ANGPT1: variants seen among roughly 807,000 people sequenced by gnomAD.
ANGPT1 encodes angiopoietin-1.
Under a neutral mutation model 62.2 loss-of-function variants are expected in ANGPT1, and 17 were observed. The observed-to-expected ratio is 0.27, with a 90% confidence interval of 0.19 to 0.41. The LOEUF is 0.41. ANGPT1 is among the 10% of genes least tolerant of loss of function. ANGPT1 has a pLI of 1.00. For missense variants in ANGPT1, 478 were observed against 594.9 expected (o/e 0.80, Z 2.04); for synonymous variants, 199 against 198.9 (o/e 1.00, Z 0.00).
chr8:107,411,642 T>A (rs1810583412), intron 1 of ANGPT1, among the ~76,000 whole-genome samples: 1 of 152,220 alleles, frequency 6.6e-6, no homozygotes, highest in Admixed American at 6.6e-5. Context: ...TGGATTCCTA[T>A]TATTTAATAA....
chr8:107,405,110 GA>G (rs1326936083), intron 1 of ANGPT1, among the ~76,000 whole-genome samples: 2 of 151,416 alleles, frequency 1.3e-5, no homozygotes, highest in Non-Finnish European at 3.0e-5. Flanking sequence ...TACATATCAA[GA>G]ATAAAGAAAA....
chr8:107,424,678 TA>T (rs1215149449), intron 1 of ANGPT1, among the ~76,000 whole-genome samples: 2 of 152,198 alleles, frequency 1.3e-5, no homozygotes, highest in Admixed American at 1.3e-4. Flanking sequence ...AGCCACCCAG[TA>T]AAATAATATT....
intron 1 of ANGPT1, among the ~76,000 whole-genome samples, chr8:107,409,859 T>C (rs1817226912): frequency 6.6e-6 from 1 of 152,062 alleles, no homozygotes; most frequent in Non-Finnish European, 1.5e-5. Flanking sequence ...TCATGAAAAG[T>C]AGGAACATAA....
At chr8:107,439,364 A>G (rs1305173983) in intron 1 of ANGPT1, among the ~76,000 whole-genome samples, 1 of 152,226 alleles carries the variant, frequency 6.6e-6, no homozygotes, top group East Asian at 1.9e-4. Flanking sequence ...GAAAGCCAAA[A>G]TGAGAAAATT....
At chr8:107,420,782 T>TA (rs1323734308) in intron 1 of ANGPT1, among the ~76,000 whole-genome samples, 7 of 152,168 alleles carry the variant, frequency 4.6e-5, no homozygotes, top group Non-Finnish European at 2.9e-5. Context: ...AAGAACTTTG[T>TA]AAGATTAAAA....
intron 1 of ANGPT1, among the ~76,000 whole-genome samples, chr8:107,418,916 C>T (rs1192544772): frequency 6.6e-6 from 1 of 152,136 alleles, no homozygotes; most frequent in South Asian, 2.1e-4. Flanking sequence ...AAAATCCCAG[C>T]CTCTGGAATT....
chr8:107,312,388 G>C lies in ANGPT1; in HGVS notation c.809-9021C>G, dbSNP rs562531271. Among the ~76,000 whole-genome samples, 10 of 152,204 alleles carry C rather than the reference G, an allele frequency of 6.6e-5. No individual in the cohort carries two copies. In the South Asian group the frequency reaches 2.1e-3, roughly 32 times the overall value. On this transcript the variant is annotated intron_variant, in intron 4 of 8. Coordinates refer to ENST00000517746, the MANE Select transcript of ANGPT1 (RefSeq NM_001146.5). ...GGAAAGCTTAAGGGGCATCTTTTGT[G>C]CTCTGCTATGAGCAGACAAATATAA...
At chr8:107,262,549 T>C (rs1813517673) in intron 8 of ANGPT1, among the ~76,000 whole-genome samples, 1 of 152,218 alleles carries the variant, frequency 6.6e-6, no homozygotes, top group South Asian at 2.1e-4. Context: ...AGTAAGATAG[T>C]ACAACATGTG....
chr8:107,486,261 A>G (rs1037182783), intron 1 of ANGPT1, among the ~76,000 whole-genome samples: 2 of 152,196 alleles, frequency 1.3e-5, no homozygotes, highest in Admixed American at 6.6e-5. Flanking sequence ...AGCTAATCTC[A>G]TATTTGGTTA....
At chr8:107,361,748 G>A (rs1489432961) in intron 1 of ANGPT1, among the ~76,000 whole-genome samples, 54 of 151,700 alleles carry the variant, frequency 3.6e-4, no homozygotes, top group Admixed American at 3.6e-3. Context: ...ATAAGAACAC[G>A]GAATGGTAGT....
Position 107,293,956 on chromosome 8 carries a change from C to G in ANGPT1, c.1018G>C (p.Gly340Arg). The G allele has an allele frequency of 6.2e-7, 1 of 1,613,138 alleles. No individual in the cohort carries two copies. Among genetic ancestry groups the G allele is most frequent in the East Asian group, 2.2e-5 (1 of 44,770 alleles). ...CTTACCATTTTATATTCCTTCCAGC[C>G]TCTTTGGAAATCTAGACTTCCATCT... is the stretch of plus-strand genomic sequence containing the variant. The part of the protein sequence containing the change: ...REDGSLDFQR[G>R]WKEYKMGFGN... Residue 340 changes from glycine (G) to arginine (R), a missense_variant, in exon 6 of 9, where the codon GGC becomes CGC. By Grantham distance (125) the Gly-to-Arg change is moderately radical. Around this residue, in one of 4 missense-constraint regions of ANGPT1, gnomAD observed 81 missense variants for 117.1 expected, o/e 0.69. Coordinates refer to ENST00000517746, the MANE Select transcript of ANGPT1 (RefSeq NM_001146.5).
intron 3 of ANGPT1, among the ~76,000 whole-genome samples, chr8:107,328,043 A>G (rs1815330842): frequency 6.6e-6 from 1 of 152,120 alleles, no homozygotes; most frequent in African/African-American, 2.4e-5. Flanking sequence ...ATAGCAGCCA[A>G]TGAATTCACA....
intron 1 of ANGPT1, chr8:107,494,482 C>T (rs1418709075): frequency 6.6e-6 from 1 of 152,146 alleles, no homozygotes; most frequent in African/African-American, 2.4e-5. Context: ...AGGTGTTTCA[C>T]AAAATAAAAC....
At chr8:107,253,572 T>C (rs967974757) in intron 8 of ANGPT1, among the ~76,000 whole-genome samples, 2 of 152,212 alleles carry the variant, frequency 1.3e-5, no homozygotes, top group Admixed American at 1.3e-4. Context: ...CTTTCAAATA[T>C]GCACCATGGT....
intron 7 of ANGPT1, among the ~76,000 whole-genome samples, chr8:107,277,345 T>A (rs959094398): frequency 1.3e-5 from 2 of 152,178 alleles, no homozygotes; most frequent in Middle Eastern, 3.4e-3. Flanking sequence ...GGCAGAAAAA[T>A]TTTTATATAG....
chr8:107,271,335 A>G (rs1813729962), intron 7 of ANGPT1, among the ~76,000 whole-genome samples: 2 of 152,154 alleles, frequency 1.3e-5, no homozygotes, highest in Non-Finnish European at 2.9e-5. Context: ...CATGCAAAAT[A>G]AAGTAAGTAC....
chr8:107,292,717 G>T (rs1814308094), intron 6 of ANGPT1, among the ~76,000 whole-genome samples: 1 of 152,088 alleles, frequency 6.6e-6, no homozygotes, highest in African/African-American at 2.4e-5. Flanking sequence ...TAGATGCAGT[G>T]ACACCACTAG....
chr8:107,397,138 C>T lies in ANGPT1; in HGVS notation c.298-50041G>A, dbSNP rs183282090. ...TTCTTCAGTAATGACATGAGTTACC[C>T]GTAGAAGGAACATGTCATTACTTTG... On this transcript the variant is annotated intron_variant, in intron 1 of 8. Transcript: ENST00000517746. 1.2e-3 allele frequency among the ~76,000 whole-genome samples: 181 copies of T among 152,156 alleles called. 1 individual carries two copies. In the Middle Eastern group the frequency reaches 0.017, roughly 14 times the overall value.
chr8:107,453,042 T>G (rs1239538013), intron 1 of ANGPT1, among the ~76,000 whole-genome samples: 1 of 152,096 alleles, frequency 6.6e-6, no homozygotes, highest in Non-Finnish European at 1.5e-5. Flanking sequence ...AAATGCTTAA[T>G]GAACTCTTTA....
Sources: allele counts gnomAD v4.1 joint callset (sites outside exome capture counted in the v4.1 genomes callset), GRCh38; gene constraint gnomAD v4.1.1; regional missense constraint gnomAD v4.1.1; transcripts MANE v1.5; gene names NCBI Gene and HGNC (gene_info 2026-07-23, HGNC 2026-07-21).